UHRF1: variants seen among roughly 807,000 people sequenced by gnomAD.
UHRF1 encodes the protein ubiquitin like with PHD and ring finger domains 1, also known as E3 ubiquitin-protein ligase UHRF1.
Under a neutral mutation model 96.5 loss-of-function variants are expected in UHRF1, and 9 were observed. The ratio of observed to expected loss-of-function variants is 0.09; its 90% CI spans 0.06 to 0.16. The LOEUF is 0.16. Among genes scored for constraint, UHRF1 ranks in the 10% least tolerant of loss-of-function variants. The pLI, the probability that UHRF1 is intolerant of heterozygous loss-of-function variation, is 1.00. For synonymous variants in UHRF1, 455 were observed against 469.9 expected, an observed-to-expected ratio of 0.97 and a Z score of 0.41; for missense variants, 626 against 1,131.1, an observed-to-expected ratio of 0.55 and a Z score of 6.40.
chr19:4,945,814 A>C, intron 9 of UHRF1, 47 bp from the exon 10 acceptor site: 1 of 1,516,268 alleles, frequency 6.6e-7, no homozygotes. Context: ...GCTTCTCTGC[A>C]GCAGTCATTG....
chr19:4,948,967 C>CAAAAAAAAAAAAAAAAAAAAA, intron 11 of UHRF1, among the ~76,000 whole-genome samples: 1 of 51,170 alleles, frequency 2.0e-5, no homozygotes, highest in African/African-American at 6.8e-5. Flanking sequence ...ACTAAGAATA[C>CAAAAAAAAAAAAAAAAAAAAA]AAAAAAAAAA....
intron 15 of UHRF1, 136 bp from the exon 16 acceptor site, chr19:4,956,573 A>G: frequency 1.5e-6 from 1 of 663,286 alleles, no homozygotes; most frequent in Non-Finnish European, 2.8e-6. Context: ...AACGGGGACG[A>G]TCATGGCCCC....
rs1474628740 is a variant in UHRF1 at position 4,960,819 on chromosome 19, C to T, written c.*16C>T. The stretch of plus-strand genomic sequence containing the variant: ...TGGCCGGTGATCTCCAAGCACTTCT[C>T]GACAGGCGTTTTGCTGAAAACGTGT... On this transcript the variant is annotated 3_prime_UTR_variant, in exon 17 of 17. Transcript: ENST00000650932. The T allele has an allele frequency of 9.0e-6, 13 of 1,448,490 alleles. No individual in the cohort carries two copies. The highest frequency in any genetic ancestry group is 2.4e-5 in the East Asian group (1 of 40,878). 89.7% of individuals were successfully genotyped at this position (1,448,490 alleles called of 1,614,324 possible).
At chr19:4,950,403 C>T (rs901303367) in intron 11 of UHRF1, among the ~76,000 whole-genome samples, 26 of 152,002 alleles carry the variant, frequency 1.7e-4, no homozygotes, top group African/African-American at 6.0e-4. Context: ...GCCACCACGC[C>T]CGGCTAACTT....
intron 5 of UHRF1, among the ~76,000 whole-genome samples, chr19:4,934,955 CT>C (rs2033173856): frequency 6.7e-6 from 1 of 150,166 alleles, no homozygotes; most frequent in Admixed American, 6.9e-5. Context: ...TATATGGAAT[CT>C]GATTTTTAAA....
intron 11 of UHRF1, 63 bp from the exon 12 acceptor site, chr19:4,950,548 T>G (rs899783940): frequency 1.3e-6 from 2 of 1,548,054 alleles, no homozygotes; most frequent in Non-Finnish European, 1.7e-6. Context: ...CCGGCTCCTG[T>G]GTTTCCTTTT....
At position 4,944,598 on chromosome 19, in the gene UHRF1, G is replaced by C. The variant is rs78563352; in HGVS notation, c.1305+148G>C. 1.0e-3 allele frequency: 867 copies of C among 842,128 alleles called. 5 individuals are homozygous for C. The African/African-American group carries it at 0.012, about 11-fold the overall frequency. The allele number at this position is 842,128 out of a possible 1,614,324, so 52.2% of individuals were successfully genotyped here. A position where few individuals can be genotyped will look rare whatever the true frequency, so the allele number is the denominator to read the frequency against. The stretch of plus-strand genomic sequence containing the variant: ...GAGGAGGGGTGTGGAAAGCCTGCAG[G>C]TTTGGGTTTACTCCTTATTTTACCA... On this transcript the variant is annotated intron_variant, in intron 9 of 16. Transcript: ENST00000650932.
At chr19:4,932,351 G>C (rs1442048586) in intron 4 of UHRF1, among the ~76,000 whole-genome samples, 1 of 152,092 alleles carries the variant, frequency 6.6e-6, no homozygotes, top group Non-Finnish European at 1.5e-5. Context: ...TACAGGCGTG[G>C]GCCACCTTGC....
chr19:4,913,055 A>G (rs2032345818), intron 2 of UHRF1, among the ~76,000 whole-genome samples: 1 of 152,100 alleles, frequency 6.6e-6, no homozygotes, highest in Non-Finnish European at 1.5e-5. Context: ...TGCCGGACCT[A>G]AAAGCTTTGT....
chr19:4,934,814 T>A (rs1004463598), intron 5 of UHRF1, among the ~76,000 whole-genome samples: 1 of 152,118 alleles, frequency 6.6e-6, no homozygotes, highest in Non-Finnish European at 1.5e-5. Flanking sequence ...GGGGAGTGGC[T>A]GGGGCTGTGG....
Position 4,933,957 on chromosome 19 carries a change from T to TTGTGTGTGTGTGTG in UHRF1, c.785+1002_785+1015dup, listed in dbSNP as rs753933265. 6.5e-3 allele frequency among the ~76,000 whole-genome samples: 631 copies of TTGTGTGTGTGTGTG among 97,770 alleles called. 9 individuals are homozygous for TTGTGTGTGTGTGTG. The highest frequency in any genetic ancestry group is 0.019 in the African/African-American group (561 of 28,864). 64.1% of individuals were successfully genotyped at this position (97,770 alleles called of 152,430 possible). A position where few individuals can be genotyped will look rare whatever the true frequency, so the allele number is the denominator to read the frequency against. On this transcript the variant is annotated intron_variant, in intron 5 of 16. Coordinates refer to ENST00000650932, the MANE Select transcript of UHRF1 (RefSeq NM_001048201.3). ...AGCCTGTTCTTTCTCCCTTGCCTCTTTGTGTGTGTGTGTGCGTGTGTGTGT... is the reference window on the plus strand; with the variant it reads ...AGCCTGTTCTTTCTCCCTTGCCTCTTTGTGTGTGTGTGTGTGTGTGTGTGTGTGCGTGTGTGTGT...
Position 4,923,587 on chromosome 19 carries a change from T to C in UHRF1, c.154-5635T>C, listed in dbSNP as rs905877007. Among the ~76,000 whole-genome samples the C allele has an allele frequency of 7.2e-5, 11 of 152,336 alleles. No individual in the cohort carries two copies. In the Middle Eastern group the frequency reaches 0.014, roughly 188 times the overall value. On this transcript the variant is annotated intron_variant, in intron 2 of 16. Transcript: ENST00000650932. Reference sequence around the variant, plus strand: ...GATGCTCACGCCGCTCTGGCAGATATCGCTGCTGCAAACATAGGAGGAGCA... The same window carrying C: ...GATGCTCACGCCGCTCTGGCAGATACCGCTGCTGCAAACATAGGAGGAGCA...
At chr19:4,947,261 T>C (rs2033592127) in intron 11 of UHRF1, 50 bp downstream of exon 11, 1 of 1,547,674 alleles carries the variant, frequency 6.5e-7, no homozygotes, top group Non-Finnish European at 8.9e-7. Flanking sequence ...ATCTGCCGAG[T>C]CTTGGTTCTG....
chr19:4,960,344 C>G (rs978446633), intron 16 of UHRF1, among the ~76,000 whole-genome samples: 1 of 152,142 alleles, frequency 6.6e-6, no homozygotes, highest in Non-Finnish European at 1.5e-5. Flanking sequence ...ATGGGACTGC[C>G]TCTAGGGAGG....
In UHRF1 at chr19:4,944,465, C is replaced by T. The variant is rs1022650522; in HGVS notation, c.1305+15C>T. The T allele has an allele frequency of 2.5e-6, 4 of 1,613,602 alleles. No individual in the cohort carries two copies. The African/African-American group carries it at 5.3e-5, about 21-fold the overall frequency. On this transcript the variant is annotated intron_variant, in intron 9 of 16. Coordinates refer to ENST00000650932, the MANE Select transcript of UHRF1 (RefSeq NM_001048201.3). The stretch of plus-strand genomic sequence containing the variant: ...TCCGAGTCCAGGTACCTGCAGCGTC[C>T]CGGGGCTCCAGGGGCCACGCGGGCT...
At chr19:4,923,505 A>G (rs1277114077) in intron 2 of UHRF1, among the ~76,000 whole-genome samples, 1 of 152,122 alleles carries the variant, frequency 6.6e-6, no homozygotes, top group African/African-American at 2.4e-5. Context: ...TGGCTGCCCC[A>G]TGCAGCTGAG....
At chr19:4,909,255 C>CG, upstream of UHRF1, 2 of 520,996 alleles carry the variant, frequency 3.8e-6, no homozygotes, top group South Asian at 2.5e-5. Context: ...TGTCCACGTG[C>CG]GGGGGGTGAC....
At chr19:4,931,626 G>A (rs1281852529) in intron 4 of UHRF1, among the ~76,000 whole-genome samples, 3 of 148,890 alleles carry the variant, frequency 2.0e-5, no homozygotes, top group South Asian at 2.1e-4. Context: ...TGGCCACCAC[G>A]CCTGGCTAAT....
chr19:4,949,908 T>C (rs530947284), intron 11 of UHRF1, among the ~76,000 whole-genome samples: 7 of 152,190 alleles, frequency 4.6e-5, no homozygotes, highest in South Asian at 4.1e-4. Context: ...CTCCCTCTCT[T>C]GTCCAGGGTG....
Sources: gnomAD v4.1 joint callset for allele counts (sites outside exome capture counted in the v4.1 genomes callset) on GRCh38, gnomAD v4.1.1 for gene constraint, MANE v1.5 for transcripts, NCBI Gene and HGNC (gene_info 2026-07-23, HGNC 2026-07-21) for gene names.